The following CSMD1 variants were observed in gnomAD, a reference collection of about 807,000 sequenced individuals.
CSMD1 encodes the protein CUB and Sushi multiple domains 1, also known as CUB and sushi domain-containing protein 1.
Under a neutral mutation model 417.5 loss-of-function variants are expected in CSMD1, and 213 were observed. The ratio of observed to expected loss-of-function variants is 0.51; its 90% confidence interval spans 0.46 to 0.57. The LOEUF is 0.57. Among genes scored for constraint, CSMD1 ranks in the 20% least tolerant of loss-of-function variants. The pLI is 0.00. For missense variants in CSMD1, 6,923 were observed against 4,529.7 expected, an observed-to-expected ratio of 1.53 and a Z score of -15.17; for synonymous variants, 2,862 against 1,736.8, an observed-to-expected ratio of 1.65 and a Z score of -16.11.
At chr8:3,639,296 A>G (rs192346672) in intron 7 of CSMD1, among the ~76,000 whole-genome samples, 1 of 152,262 alleles carries the variant, frequency 6.6e-6, no homozygotes, top group Admixed American at 6.5e-5. Flanking sequence ...TATTATTACT[A>G]TTTTTGCTTG....
At chr8:4,361,367 G>T (rs1287644837) in intron 3 of CSMD1, among the ~76,000 whole-genome samples, 1 of 146,454 alleles carries the variant, frequency 6.8e-6, no homozygotes, top group Non-Finnish European at 1.5e-5. Context: ...ATTTTTAATT[G>T]ATTTAATGTA....
At chr8:4,248,790 T>C (rs1336898190) in intron 3 of CSMD1, among the ~76,000 whole-genome samples, 2 of 152,118 alleles carry the variant, frequency 1.3e-5, no homozygotes, top group African/African-American at 4.8e-5. Flanking sequence ...TTTCCTCCTC[T>C]GAATGGAAAA....
At chr8:3,127,238 C>A (rs1465392059) in intron 41 of CSMD1, 5 of 152,186 alleles carry the variant, frequency 3.3e-5, no homozygotes, top group Non-Finnish European at 7.3e-5. Flanking sequence ...GCAAAAGAGG[C>A]ATCTTTGTAA....
intron 1 of CSMD1, among the ~76,000 whole-genome samples, chr8:4,761,912 A>AATCTATCTATCTATCT (rs60693169): frequency 5.8e-4 from 59 of 101,302 alleles, no homozygotes; most frequent in East Asian, 1.8e-3. Context: ...TCTATCTATC[A>AATCTATCTATCTATCT]ATCTATCTAT....
At chr8:4,983,468 A>T (rs186385885) in intron 1 of CSMD1, among the ~76,000 whole-genome samples, 3 of 152,214 alleles carry the variant, frequency 2.0e-5, no homozygotes, top group Non-Finnish European at 4.4e-5. Flanking sequence ...GGACTTTAAG[A>T]TTTATGAAGT....
At chr8:3,288,421 T>G (rs572707675) in intron 25 of CSMD1, among the ~76,000 whole-genome samples, 2 of 147,274 alleles carry the variant, frequency 1.4e-5, no homozygotes, top group Non-Finnish European at 2.9e-5. Context: ...TGTGAATCCA[T>G]CTGGTCCTGG....
intron 3 of CSMD1, among the ~76,000 whole-genome samples, chr8:4,217,324 A>C (rs1025963326): frequency 6.6e-6 from 1 of 152,248 alleles, no homozygotes; most frequent in Non-Finnish European, 1.5e-5. Flanking sequence ...CCTGTGTGCC[A>C]GGTGCTGCCT....
At chr8:3,563,824 G>A (rs896141859) in intron 10 of CSMD1, among the ~76,000 whole-genome samples, 5 of 152,134 alleles carry the variant, frequency 3.3e-5, no homozygotes, top group East Asian at 3.9e-4. Context: ...AGGAGGCGGA[G>A]GTTGCAGTGA....
chr8:2,944,198 C>T (rs183084298), intron 68 of CSMD1, among the ~76,000 whole-genome samples: 11 of 152,320 alleles, frequency 7.2e-5, no homozygotes, highest in East Asian at 5.8e-4. Flanking sequence ...AGGTTATGGA[C>T]GTGCAGCGAG....
intron 3 of CSMD1, among the ~76,000 whole-genome samples, chr8:4,343,408 G>C (rs1438207): frequency 0.83 from 126,447 of 151,990 alleles, 52,915 homozygotes; most frequent in African/African-American, 0.92. Flanking sequence ...CTTAAGTGTT[G>C]TAACCATAAA....
intron 68 of CSMD1, among the ~76,000 whole-genome samples, chr8:2,944,258 A>T (rs1320539673): frequency 6.6e-6 from 1 of 152,182 alleles, no homozygotes; most frequent in Non-Finnish European, 1.5e-5. Context: ...GAAGCGAGGG[A>T]CGCAAAACAT....
intron 26 of CSMD1, among the ~76,000 whole-genome samples, chr8:3,259,485 T>C (rs182089659): frequency 0.01 from 1,556 of 152,330 alleles, 25 homozygotes; most frequent in African/African-American, 0.035. Flanking sequence ...TTCAAAAGAA[T>C]TGAAATTTTC....
chr8:4,766,869 T>C (rs574481021), intron 1 of CSMD1, among the ~76,000 whole-genome samples: 2 of 152,318 alleles, frequency 1.3e-5, no homozygotes, highest in South Asian at 4.1e-4. Flanking sequence ...TATATAAATA[T>C]ACATTAAATC....
intron 3 of CSMD1, among the ~76,000 whole-genome samples, chr8:4,224,966 G>T (rs548583318): frequency 3.3e-5 from 5 of 152,144 alleles, no homozygotes; most frequent in African/African-American, 1.2e-4. Flanking sequence ...AAAAAAATTA[G>T]TTGGGCGTGG....
At position 3,369,163 on chromosome 8, in the gene CSMD1, C is replaced by G. The variant is rs984038008; in HGVS notation, c.2899+91G>C. ...ATACATGAGAAAAGTAGTTATCTCACTTGTTTACACCGTAATATGTTTTTG... is the reference window on the plus strand; with the variant it reads ...ATACATGAGAAAAGTAGTTATCTCAGTTGTTTACACCGTAATATGTTTTTG... On this transcript the variant is annotated intron_variant, in intron 19 of 69. Coordinates refer to ENST00000635120, the MANE Select transcript of CSMD1 (RefSeq NM_033225.6). 7 of 628,838 alleles carry G rather than the reference C, an allele frequency of 1.1e-5. No homozygotes were observed. In the East Asian group the frequency reaches 1.1e-4, roughly 10 times the overall value. 39.0% of individuals were successfully genotyped at this position (628,838 alleles called of 1,614,324 possible).
At chr8:3,864,915 C>G (rs1804977221) in intron 5 of CSMD1, among the ~76,000 whole-genome samples, 1 of 152,198 alleles carries the variant, frequency 6.6e-6, no homozygotes, top group African/African-American at 2.4e-5. Context: ...AAGTATTGCT[C>G]TACGTGGTCT....
At chr8:3,637,202 G>A (rs1327708493) in intron 7 of CSMD1, among the ~76,000 whole-genome samples, 5 of 152,172 alleles carry the variant, frequency 3.3e-5, no homozygotes, top group African/African-American at 4.8e-5. Flanking sequence ...TTTAAGCTGT[G>A]TGACATATTC....
intron 3 of CSMD1, among the ~76,000 whole-genome samples, chr8:4,399,030 A>G (rs1804462252): frequency 6.6e-6 from 1 of 152,238 alleles, no homozygotes; most frequent in African/African-American, 2.4e-5. Flanking sequence ...GTAAATAAGT[A>G]TGAGACAAGT....
At chr8:4,151,547 T>C (rs991398798) in intron 3 of CSMD1, among the ~76,000 whole-genome samples, 5 of 152,228 alleles carry the variant, frequency 3.3e-5, no homozygotes, top group African/African-American at 9.6e-5. Flanking sequence ...ACTTATACCA[T>C]AACATTAAAT....
Sources: allele counts gnomAD v4.1 joint callset (sites outside exome capture counted in the v4.1 genomes callset), GRCh38; gene constraint gnomAD v4.1.1; transcripts MANE v1.5; gene names NCBI Gene and HGNC (gene_info 2026-07-23, HGNC 2026-07-21).